The following ATF7IP2 variants were observed in gnomAD, a reference collection of about 807,000 sequenced individuals.
ATF7IP2 encodes the protein activating transcription factor 7 interacting protein 2.
ATF7IP2 carries 42 observed loss-of-function variants against 64.2 expected under a neutral mutation model. The observed-to-expected ratio is 0.65, with a 90% CI of 0.51 to 0.85. ATF7IP2 has a LOEUF of 0.85. Ranked by LOEUF, ATF7IP2 falls within the 40% of genes least tolerant of loss-of-function variation. The pLI is 0.00. For missense variants in ATF7IP2, 933 were observed against 784.2 expected, an observed-to-expected ratio of 1.19 and a Z score of -2.27; for synonymous variants, 308 against 272.8, an observed-to-expected ratio of 1.13 and a Z score of -1.27.
chr16:10,482,118 G>A lies in ATF7IP2; in HGVS notation c.1918G>A (p.Ala640Thr). Reference protein sequence around the residue: ...GEIKALPLPMACTLSQFLASN... With the variant: ...GEIKALPLPMTCTLSQFLASN... ...AATTAAAGCTTTACCACTCCCCATG[G>A]CCTGTACTTTATCTCAGTTTTTAGC... Residue 640 changes from alanine (A) to threonine (T), a missense_variant, in exon 14 of 14, where the codon GCC (alanine) becomes ACC (threonine). Coordinates refer to ENST00000562102, the MANE Select transcript of ATF7IP2 (RefSeq NM_001393719.1). The A allele has an allele frequency of 1.2e-6, 2 of 1,614,042 alleles. No homozygotes were observed. Among genetic ancestry groups the A allele is most frequent in the Non-Finnish European group, 1.7e-6 (2 of 1,179,966 alleles).
intron 12 of ATF7IP2, among the ~76,000 whole-genome samples, chr16:10,476,264 T>C (rs545217116): frequency 3.9e-5 from 6 of 152,246 alleles, no homozygotes; most frequent in Non-Finnish European, 7.4e-5. Context: ...TGACTAACTG[T>C]GAAACACAAT....
intron 8 of ATF7IP2, among the ~76,000 whole-genome samples, chr16:10,444,822 GA>G (rs1248584376): frequency 6.6e-6 from 1 of 152,100 alleles, no homozygotes; most frequent in Non-Finnish European, 1.5e-5. Context: ...TCCATTATCT[GA>G]ATCAATGTTT....
intron 1 of ATF7IP2, among the ~76,000 whole-genome samples, chr16:10,409,721 A>C (rs1346412385): frequency 6.6e-6 from 1 of 152,190 alleles, no homozygotes; most frequent in Non-Finnish European, 1.5e-5. Context: ...CACCATGCCC[A>C]GCCTCCTTGA....
At chr16:10,394,356 C>T (rs2047383718) in intron 1 of ATF7IP2, among the ~76,000 whole-genome samples, 1 of 152,124 alleles carries the variant, frequency 6.6e-6, no homozygotes, top group Admixed American at 6.6e-5. Flanking sequence ...AACATATATG[C>T]ACCTACTAAG....
At chr16:10,441,439 C>T (rs1418341135) in intron 8 of ATF7IP2, among the ~76,000 whole-genome samples, 4 of 152,122 alleles carry the variant, frequency 2.6e-5, no homozygotes, top group Admixed American at 6.5e-5. Flanking sequence ...TTTTAATGAT[C>T]GCCATTCTAA....
At position 10,431,440 on chromosome 16, in the gene ATF7IP2, G is replaced by T; in HGVS notation, c.820G>T (p.Asp274Tyr). 1.3e-6 allele frequency: 2 copies of T among 1,596,420 alleles called. No homozygotes were observed. The highest frequency in any genetic ancestry group is 1.7e-4 in the Middle Eastern group (1 of 5,974). Residue 274 changes from aspartate (D) to tyrosine (Y), a missense_variant, in exon 5 of 14, where the codon GAC (aspartate) becomes TAC (tyrosine). Asp to Tyr is a radical substitution (Grantham distance 160). Transcript: ENST00000562102. ...SADSTWQSSL[D>Y]TNNNSHYQKK... ...AGACTCAACATGGCAGTCATCACTTGACACTAATAACAACAGTAAGTATAT... is the reference window on the plus strand; with the variant it reads ...AGACTCAACATGGCAGTCATCACTTTACACTAATAACAACAGTAAGTATAT...
chr16:10,480,008 G>C (rs1362285718), intron 12 of ATF7IP2, among the ~76,000 whole-genome samples: 1 of 71,058 alleles, frequency 1.4e-5, no homozygotes, highest in Non-Finnish European at 2.7e-5. Context: ...TTTTGAGACA[G>C]TCTTGTTCTG....
chr16:10,420,984 C>A (rs2047978448), intron 3 of ATF7IP2, among the ~76,000 whole-genome samples: 1 of 152,136 alleles, frequency 6.6e-6, no homozygotes, highest in South Asian at 2.1e-4. Context: ...TAGTTAATTT[C>A]AAAAATTGAA....
rs760607088 is a variant in ATF7IP2 at position 10,438,192 on chromosome 16, CAG to C, written c.1055_1056del (p.Glu352ValfsTer4). 6.2e-7 allele frequency: 1 copy of C among 1,605,186 alleles called. No individual in the cohort carries two copies. The highest frequency in any genetic ancestry group is 1.7e-5 in the Admixed American group (1 of 58,288). Reference sequence around the variant, plus strand: ...GAATTGAACCAACGCATTGGGAAGACAGAGTGCAGAAATAAGCATGAAGGAAT... The same window carrying C: ...GAATTGAACCAACGCATTGGGAAGACAGTGCAGAAATAAGCATGAAGGAAT... On this transcript the variant is annotated frameshift_variant, in exon 7 of 14. Transcript: ENST00000562102. LOFTEE classifies it high-confidence loss of function.
intron 7 of ATF7IP2, among the ~76,000 whole-genome samples, chr16:10,439,384 C>T (rs1041845389): frequency 1.1e-4 from 17 of 151,228 alleles, no homozygotes; most frequent in Admixed American, 7.2e-4. Flanking sequence ...TACAGGCGCC[C>T]GCCACCGTGC....
chr16:10,427,958 G>A (rs1378059883), intron 3 of ATF7IP2, among the ~76,000 whole-genome samples: 2 of 151,558 alleles, frequency 1.3e-5, no homozygotes, highest in African/African-American at 4.8e-5. Flanking sequence ...GTGCAAAGAA[G>A]AACACGAATT....
At chr16:10,473,617 G>A in intron 11 of ATF7IP2, 83 bp downstream of exon 11, 1 of 1,033,412 alleles carries the variant, frequency 9.7e-7, no homozygotes, top group Non-Finnish European at 1.5e-6. Context: ...CATGTTGGAT[G>A]ATTTAGTTTT....
chr16:10,412,377 CTAT>C (rs952750248), intron 1 of ATF7IP2, among the ~76,000 whole-genome samples: 2 of 152,092 alleles, frequency 1.3e-5, no homozygotes, highest in Non-Finnish European at 2.9e-5. Flanking sequence ...GGTTGTATCT[CTAT>C]TGTCATTCAG....
At chr16:10,408,071 C>G (rs753346240) in intron 1 of ATF7IP2, among the ~76,000 whole-genome samples, 4 of 152,058 alleles carry the variant, frequency 2.6e-5, no homozygotes, top group Non-Finnish European at 4.4e-5. Context: ...GCCACCATAC[C>G]TAGCTAATTT....
At chr16:10,418,952 C>T (rs1463257645) in intron 2 of ATF7IP2, among the ~76,000 whole-genome samples, 1 of 152,224 alleles carries the variant, frequency 6.6e-6, no homozygotes, top group Admixed American at 6.5e-5. Flanking sequence ...GTGGCCATGG[C>T]ACGCAGACTG....
At chr16:10,392,405 G>C (rs1033736286) in intron 1 of ATF7IP2, among the ~76,000 whole-genome samples, 6 of 150,962 alleles carry the variant, frequency 4.0e-5, no homozygotes, top group Non-Finnish European at 7.4e-5. Flanking sequence ...GGCTGTTTGA[G>C]CCTTGGCCTC....
In ATF7IP2 at chr16:10,434,005, A is replaced by G. The variant is rs571301918; in HGVS notation, c.960+356A>G. On this transcript the variant is annotated intron_variant, in intron 6 of 13. Transcript: ENST00000562102. Reference sequence around the variant, plus strand: ...GAATCCAGTCTCTTTTGTACTAGTCATGGGGTTCTTAGATCTGCAGCTCTA... The same window carrying G: ...GAATCCAGTCTCTTTTGTACTAGTCGTGGGGTTCTTAGATCTGCAGCTCTA... Among the ~76,000 whole-genome samples, 288 of 152,288 alleles carry G rather than the reference A, an allele frequency of 1.9e-3. 1 individual carries two copies. The highest frequency in any genetic ancestry group is 6.4e-3 in the African/African-American group (264 of 41,542).
chr16:10,439,310 A>G (rs1176081685), intron 7 of ATF7IP2, among the ~76,000 whole-genome samples: 1 of 151,672 alleles, frequency 6.6e-6, no homozygotes, highest in Non-Finnish European at 1.5e-5. Flanking sequence ...GCTCACTGCA[A>G]GCTCTGCCTC....
intron 9 of ATF7IP2, among the ~76,000 whole-genome samples, chr16:10,462,300 T>C (rs1369709565): frequency 6.6e-6 from 1 of 152,096 alleles, no homozygotes; most frequent in Non-Finnish European, 1.5e-5. Flanking sequence ...TTTCTCTTGC[T>C]CATTTCTTCC....
Sources: allele counts gnomAD v4.1 joint callset (sites outside exome capture counted in the v4.1 genomes callset), GRCh38; gene constraint gnomAD v4.1.1; transcripts MANE v1.5; gene names NCBI Gene and HGNC (gene_info 2026-07-23, HGNC 2026-07-21).